Variants in GPHN observed in about 807,000 individuals in gnomAD.
GPHN encodes gephyrin.
GPHN carries 17 observed loss-of-function variants against 95.5 expected under a neutral mutation model. That is an observed-to-expected ratio of 0.18 (90% confidence interval 0.12 to 0.27). The LOEUF (loss-of-function observed/expected upper bound fraction) is 0.27, where lower values mean the gene tolerates loss of function less well. Ranked by LOEUF, GPHN falls within the 10% of genes least tolerant of loss-of-function variation. The pLI is 1.00. For missense variants in GPHN, 660 were observed against 978.1 expected (o/e 0.67, Z 4.34); for synonymous variants, 320 against 322.5 (o/e 0.99, Z 0.08).
chr14:66,924,117 C>A, intron 7 of GPHN, 77 bp from the exon 8 acceptor site: 1 of 810,688 alleles, frequency 1.2e-6, no homozygotes, highest in Admixed American at 1.9e-5. Context: ...TACCTTTTTT[C>A]CTTTTTAGTC....
intron 8 of GPHN, among the ~76,000 whole-genome samples, chr14:66,951,793 A>G (rs1307035317): frequency 4.6e-5 from 7 of 152,218 alleles, no homozygotes; most frequent in Admixed American, 2.0e-4. Flanking sequence ...ATGATAATTT[A>G]TAGTGCAGAA....
At chr14:67,353,375 G>A in the GPHN span, among the ~76,000 whole-genome samples, 2,171 of 152,292 alleles carry the variant, frequency 0.014, 21 homozygotes, top group Middle Eastern at 0.031. Flanking sequence ...TTAAATGTGA[G>A]TTCATCTGGG....
At chr14:67,614,846 T>G in the GPHN span, 1 of 76,892 alleles carries the variant, frequency 1.3e-5, no homozygotes, top group African/African-American at 5.2e-5. Flanking sequence ...GTCCTTGAGG[T>G]TTTTTTTTTT....
At chr14:67,165,708 G>C (rs117736155) in intron 20 of GPHN, among the ~76,000 whole-genome samples, 1 of 152,176 alleles carries the variant, frequency 6.6e-6, no homozygotes, top group Non-Finnish European at 1.5e-5. Context: ...GTTGAGGGGA[G>C]GGGGAAGAGG....
intron 16 of GPHN, among the ~76,000 whole-genome samples, chr14:67,113,975 C>T (rs750490832): frequency 2.6e-5 from 4 of 152,016 alleles, no homozygotes; most frequent in African/African-American, 4.8e-5. Flanking sequence ...AAAAGATTAG[C>T]GGGATTTTTT....
At chr14:67,299,925 T>A in the GPHN span, among the ~76,000 whole-genome samples, 1 of 152,226 alleles carries the variant, frequency 6.6e-6, no homozygotes, top group African/African-American at 2.4e-5. Flanking sequence ...AGGTGTATGA[T>A]CAAGACTACA....
At chr14:67,650,715 G>T in the GPHN span, 2 of 1,613,534 alleles carry the variant, frequency 1.2e-6, no homozygotes, top group South Asian at 2.2e-5. Context: ...GTTCTTCCAG[G>T]GTTGCTATCA....
chr14:67,236,948 G>A, the GPHN span, among the ~76,000 whole-genome samples: 11 of 151,870 alleles, frequency 7.2e-5, no homozygotes, highest in African/African-American at 2.2e-4. Flanking sequence ...AAAATTAGCC[G>A]GGCATGGTGG....
intron 3 of GPHN, among the ~76,000 whole-genome samples, chr14:66,787,608 A>G (rs1428745607): frequency 6.6e-6 from 1 of 152,190 alleles, no homozygotes; most frequent in Non-Finnish European, 1.5e-5. Context: ...TCAAGATAGT[A>G]TAGTATTGGC....
chr14:66,823,900 G>A (rs1265081726), intron 3 of GPHN, among the ~76,000 whole-genome samples: 1 of 152,148 alleles, frequency 6.6e-6, no homozygotes, highest in African/African-American at 2.4e-5. Flanking sequence ...AATTTAATGA[G>A]CACTTAATTG....
At chr14:66,874,149 C>G (rs1045767854) in intron 4 of GPHN, among the ~76,000 whole-genome samples, 2 of 152,172 alleles carry the variant, frequency 1.3e-5, no homozygotes, top group Non-Finnish European at 2.9e-5. Flanking sequence ...TCCAGCAGAC[C>G]TGCAGCAGAG....
chr14:67,627,465 G>C, the GPHN span, among the ~76,000 whole-genome samples: 1 of 151,862 alleles, frequency 6.6e-6, no homozygotes, highest in Non-Finnish European at 1.5e-5. Context: ...CTCTAGTTTT[G>C]GGCATTGAAA....
At chr14:66,629,012 C>A (rs1462849397) in intron 1 of GPHN, among the ~76,000 whole-genome samples, 1 of 148,624 alleles carries the variant, frequency 6.7e-6, no homozygotes, top group Admixed American at 6.8e-5. Context: ...TTGCAGTGAA[C>A]TCTGATCTCA....
chr14:67,405,831 C>A, the GPHN span, among the ~76,000 whole-genome samples: 1 of 152,202 alleles, frequency 6.6e-6, no homozygotes, highest in African/African-American at 2.4e-5. Flanking sequence ...GAATTGGACC[C>A]TACAGCCAGT....
intron 5 of GPHN, among the ~76,000 whole-genome samples, chr14:66,888,428 G>A (rs1441126458): frequency 6.6e-6 from 1 of 152,156 alleles, no homozygotes; most frequent in African/African-American, 2.4e-5. Context: ...ATGTAAAGAT[G>A]TAATTTAAGA....
chr14:66,743,502 C>T (rs186159693), intron 2 of GPHN, among the ~76,000 whole-genome samples: 1 of 152,004 alleles, frequency 6.6e-6, no homozygotes, highest in East Asian at 1.9e-4. Flanking sequence ...TTTGGGAGGC[C>T]GAGGCGGGCG....
intron 2 of GPHN, among the ~76,000 whole-genome samples, chr14:66,771,651 T>C (rs966248102): frequency 6.6e-6 from 1 of 151,986 alleles, no homozygotes; most frequent in Non-Finnish European, 1.5e-5. Context: ...TGTATACATG[T>C]GCCATGCTCG....
chr14:66,606,973 C>G (rs1440995767), intron 1 of GPHN, among the ~76,000 whole-genome samples: 1 of 152,028 alleles, frequency 6.6e-6, no homozygotes, highest in East Asian at 1.9e-4. Flanking sequence ...ACTTTCAGTA[C>G]TATGTTGAAT....
chr14:67,351,508 T>C, the GPHN span, among the ~76,000 whole-genome samples: 1 of 152,192 alleles, frequency 6.6e-6, no homozygotes, highest in Non-Finnish European at 1.5e-5. Flanking sequence ...TTTTTAACTT[T>C]TTATTATTTT....
Sources: gnomAD v4.1 joint callset for allele counts (sites outside exome capture counted in the v4.1 genomes callset) on GRCh38, gnomAD v4.1.1 for gene constraint, MANE v1.5 for transcripts, NCBI Gene and HGNC (gene_info 2026-07-23, HGNC 2026-07-21) for gene names.